Variants in CEACAM4 observed in about 807,000 individuals in gnomAD.
CEACAM4 encodes CEA cell adhesion molecule 4.
CEACAM4 carries 30 observed loss-of-function variants against 28.7 expected under a neutral mutation model. The ratio of observed to expected loss-of-function variants is 1.05; its 90% CI spans 0.78 to 1.42. CEACAM4 has a LOEUF of 1.42. Among genes scored for constraint, CEACAM4 ranks in the 40% most tolerant of loss-of-function variants. CEACAM4 has a pLI of 0.00. For synonymous variants in CEACAM4, 143 were observed against 126.5 expected (o/e 1.13, Z -0.87); for missense variants, 330 against 308.2 (o/e 1.07, Z -0.53).
chr19:41,621,963 A>G (rs183900488), intron 2 of CEACAM4, among the ~76,000 whole-genome samples, 195 bp from the exon 3 acceptor site: 1 of 152,124 alleles, frequency 6.6e-6, no homozygotes, highest in African/African-American at 2.4e-5. Flanking sequence ...CAGACTTGAC[A>G]CACTGGGATG....
chr19:41,622,549 C>T (rs3901991), intron 2 of CEACAM4, among the ~76,000 whole-genome samples: 13,997 of 152,188 alleles, frequency 0.092, 1,202 homozygotes, highest in East Asian at 0.34. Context: ...CTCACATCAC[C>T]TTGAGGGAGA....
At chr19:41,624,576 A>C (rs2071516727) in intron 2 of CEACAM4, among the ~76,000 whole-genome samples, 1 of 152,210 alleles carries the variant, frequency 6.6e-6, no homozygotes, top group African/African-American at 2.4e-5. Context: ...ACACCTAAGA[A>C]GAAAACATCC....
chr19:41,620,727 G>T, intron 3 of CEACAM4, 100 bp from the exon 4 acceptor site: 1 of 974,288 alleles, frequency 1.0e-6, no homozygotes, highest in Non-Finnish European at 1.6e-6. Context: ...AAGGACTGGA[G>T]TGAAGGCCTC....
chr19:41,622,440 T>TCC (rs531529004), intron 2 of CEACAM4, among the ~76,000 whole-genome samples: 77 of 152,260 alleles, frequency 5.1e-4, no homozygotes, highest in African/African-American at 1.7e-3. Context: ...CACTGTCAAC[T>TCC]CCATGCTGAT....
At chr19:41,614,330 C>T (rs534290431), downstream of CEACAM4, among the ~76,000 whole-genome samples, 6 of 152,284 alleles carry the variant, frequency 3.9e-5, no homozygotes, top group South Asian at 8.3e-4. Flanking sequence ...TTAGCAGAGA[C>T]AGAACAGGCA....
chr19:41,624,856 C>T (rs2071534889), intron 2 of CEACAM4, among the ~76,000 whole-genome samples: 1 of 152,206 alleles, frequency 6.6e-6, no homozygotes, highest in African/African-American at 2.4e-5. Flanking sequence ...GAGGTGTTCA[C>T]ATCAACAGCA....
chr19:41,622,856 A>AGATAGAT (rs1555802226), intron 2 of CEACAM4, among the ~76,000 whole-genome samples: 2 of 107,966 alleles, frequency 1.9e-5, no homozygotes, highest in African/African-American at 9.9e-5. Context: ...ACATATATAT[A>AGATAGAT]GATAGATAGA....
chr19:41,623,531 C>T (rs1241923597), intron 2 of CEACAM4, among the ~76,000 whole-genome samples: 1 of 145,910 alleles, frequency 6.9e-6, no homozygotes, highest in Non-Finnish European at 1.5e-5. Flanking sequence ...TTCAGTGATG[C>T]GGTGGTGAGT....
At chr19:41,620,113 G>T in intron 5 of CEACAM4, 98 bp downstream of exon 5, 1 of 1,110,584 alleles carries the variant, frequency 9.0e-7, no homozygotes, top group Non-Finnish European at 1.3e-6. Context: ...CTGGGGAAAG[G>T]TGGGTCAGTG....
intron 2 of CEACAM4, among the ~76,000 whole-genome samples, chr19:41,623,551 G>A (rs754533253): frequency 6.6e-6 from 1 of 151,614 alleles, no homozygotes; most frequent in Non-Finnish European, 1.5e-5. Flanking sequence ...TGGGGGGAGG[G>A]AGGGGTTCTG....
downstream of CEACAM4, among the ~76,000 whole-genome samples, chr19:41,615,442 C>A (rs1009557766): frequency 2.9e-4 from 44 of 152,096 alleles, no homozygotes; most frequent in Admixed American, 5.2e-4. Flanking sequence ...TGATTCTTGT[C>A]AGACACGTGC....
chr19:41,616,506 TAGATAGATA>T (rs1381496349), downstream of CEACAM4, among the ~76,000 whole-genome samples: 2 of 144,094 alleles, frequency 1.4e-5, no homozygotes, highest in Admixed American at 1.4e-4. Context: ...GATAGATAGA[TAGATAGATA>T]GATAGATAGA....
At chr19:41,618,736 A>C (rs567646672), downstream of CEACAM4, among the ~76,000 whole-genome samples, 19 of 152,234 alleles carry the variant, frequency 1.2e-4, no homozygotes, top group South Asian at 3.3e-3. Context: ...ACATGCATTC[A>C]CAGAGGGACC....
At chr19:41,618,453 A>G (rs191549476), downstream of CEACAM4, among the ~76,000 whole-genome samples, 58 of 152,270 alleles carry the variant, frequency 3.8e-4, no homozygotes, top group African/African-American at 1.3e-3. Flanking sequence ...CACCAGGGAT[A>G]AAGATGTCCT....
chr19:41,620,331 G>T, intron 4 of CEACAM4, 89 bp from the exon 5 acceptor site: 1 of 1,202,134 alleles, frequency 8.3e-7, no homozygotes. Context: ...AGCTCCCAGA[G>T]AATCAGGGAG....
chr19:41,613,438 A>C, the CEACAM4 span, among the ~76,000 whole-genome samples: 2 of 152,064 alleles, frequency 1.3e-5, no homozygotes, highest in Non-Finnish European at 2.9e-5. Flanking sequence ...GAGAGACATA[A>C]GATGAAAATA....
rs188233906 is a variant in CEACAM4 at position 41,622,138 on chromosome 19, C to T, written c.425-370G>A. On this transcript the variant is annotated intron_variant, in intron 2 of 6. Coordinates refer to ENST00000221954, the MANE Select transcript of CEACAM4 (RefSeq NM_001817.4). ...TGTCACCCAGACTGGAGTGCACTGA[C>T]GCAATCTCGGCTCACTGCAACCTCC... Among the ~76,000 whole-genome samples, 47 of 151,924 alleles carry T rather than the reference C, an allele frequency of 3.1e-4. No homozygotes were observed. In the East Asian group the frequency reaches 8.1e-3, roughly 26 times the overall value.
chr19:41,621,986 C>T (rs1258721564), intron 2 of CEACAM4, among the ~76,000 whole-genome samples: 1 of 152,194 alleles, frequency 6.6e-6, no homozygotes, highest in African/African-American at 2.4e-5. Context: ...CCAACTCCTA[C>T]ATTCTCCCAC....
At chr19:41,622,180 C>T (rs1387851276) in intron 2 of CEACAM4, among the ~76,000 whole-genome samples, 4 of 152,046 alleles carry the variant, frequency 2.6e-5, no homozygotes, top group Non-Finnish European at 5.9e-5. Context: ...CAAGTTCAAG[C>T]GATTCTCTTG....
Sources: gnomAD v4.1 joint callset for allele counts (sites outside exome capture counted in the v4.1 genomes callset) on GRCh38, gnomAD v4.1.1 for gene constraint, MANE v1.5 for transcripts, NCBI Gene and HGNC (gene_info 2026-07-23, HGNC 2026-07-21) for gene names.